Variants in CEP290 observed in about 807,000 individuals in gnomAD.
CEP290 encodes the protein centrosomal protein 290.
Under a neutral mutation model 344.9 loss-of-function variants are expected in CEP290, and 317 were observed. The ratio of observed to expected loss-of-function variants is 0.92; its 90% CI spans 0.84 to 1.01. CEP290 has a LOEUF of 1.01. Among genes scored for constraint, CEP290 ranks in the 50% least tolerant of loss-of-function variants. The probability of loss-of-function intolerance (pLI) is 0.00; values close to 1 mark genes in which losing one functional copy is unlikely to be tolerated. For synonymous variants in CEP290, 932 were observed against 895.8 expected (o/e 1.04, Z -0.72); for missense variants, 2,754 against 2,761.4 (o/e 1.00, Z 0.06).
At chr12:88,130,044 T>C (rs2039971080) in intron 9 of CEP290, among the ~76,000 whole-genome samples, 168 bp from the exon 10 acceptor site, 1 of 151,890 alleles carries the variant, frequency 6.6e-6, no homozygotes, top group African/African-American at 2.4e-5. Context: ...ATCAAGAAAA[T>C]AGTACATAAG....
intron 15 of CEP290, 102 bp downstream of exon 15, chr12:88,120,012 A>C: frequency 1.5e-6 from 1 of 654,862 alleles, no homozygotes; most frequent in Non-Finnish European, 2.3e-6. Flanking sequence ...ATTTGAAAAA[A>C]GCATTAAACT....
chr12:88,055,771 T>C lies in CEP290; in HGVS notation c.6819-54A>G. 3 of 1,224,536 alleles carry C rather than the reference T, an allele frequency of 2.4e-6. No homozygotes were observed. In the East Asian group the frequency reaches 8.0e-5, roughly 33 times the overall value. The allele number at this position is 1,224,536 out of a possible 1,614,324, so 75.9% of individuals were successfully genotyped here. On this transcript the variant is annotated intron_variant, in intron 49 of 53. Transcript: ENST00000552810. Reference sequence around the variant, plus strand: ...CATGGCAAATAATTTATGTCACTGATTTAAAAGTCAGTTCAAATAACTGTA... The same window carrying C: ...CATGGCAAATAATTTATGTCACTGACTTAAAAGTCAGTTCAAATAACTGTA...
chr12:88,105,894 C>A (rs1019814208), intron 25 of CEP290, among the ~76,000 whole-genome samples: 1 of 151,958 alleles, frequency 6.6e-6, no homozygotes, highest in Non-Finnish European at 1.5e-5. Flanking sequence ...CAAGCATGTG[C>A]CACTACACCA....
At chr12:88,061,146 G>A (rs1266230106) in intron 46 of CEP290, among the ~76,000 whole-genome samples, 152 bp from the exon 47 acceptor site, 1 of 152,100 alleles carries the variant, frequency 6.6e-6, no homozygotes, top group Non-Finnish European at 1.5e-5. Flanking sequence ...AATTCTATGA[G>A]ATAGGAATTA....
intron 52 of CEP290, chr12:88,051,889 T>C (rs544359774): frequency 6.6e-6 from 1 of 152,306 alleles, no homozygotes; most frequent in Admixed American, 6.5e-5. Context: ...TAATATGTAC[T>C]TTTAGTTACC....
chr12:88,066,093 T>G (rs1371683644), intron 44 of CEP290, among the ~76,000 whole-genome samples: 2 of 151,766 alleles, frequency 1.3e-5, no homozygotes, highest in African/African-American at 4.8e-5. Context: ...CTTTCAGCCA[T>G]TTTCTCTTAA....
At chr12:88,061,775 T>C (rs796331097) in intron 46 of CEP290, among the ~76,000 whole-genome samples, 4 of 151,930 alleles carry the variant, frequency 2.6e-5, no homozygotes, top group African/African-American at 9.6e-5. Context: ...TGAATATTTT[T>C]CCTTTTTTTT....
intron 11 of CEP290, among the ~76,000 whole-genome samples, chr12:88,127,617 G>C (rs550862737): frequency 2.1e-4 from 32 of 152,058 alleles, no homozygotes; most frequent in Admixed American, 1.3e-3. Context: ...ATTTAACTAA[G>C]CATAAAAAGA....
At chr12:88,116,762 CAGA>C (rs2039063950) in intron 18 of CEP290, among the ~76,000 whole-genome samples, 1 of 151,966 alleles carries the variant, frequency 6.6e-6, no homozygotes, top group African/African-American at 2.4e-5. Flanking sequence ...ATCACGAGGT[CAGA>C]AGATCGAGAC....
Position 88,064,213 on chromosome 12 carries a change from T to C in CEP290, c.6136-98A>G, listed in dbSNP as rs1295278694. On this transcript the variant is annotated intron_variant, in intron 44 of 53. Transcript: ENST00000552810. ...AAAATACTGTCAAAAGGTAACTTTTTTTCCTCAAAGGAATATGAGAAAATC... is the reference window on the plus strand; with the variant it reads ...AAAATACTGTCAAAAGGTAACTTTTCTTCCTCAAAGGAATATGAGAAAATC... The C allele has an allele frequency of 8.5e-6, 9 of 1,054,904 alleles. No individual in the cohort carries two copies. The East Asian group carries it at 2.2e-4, about 26-fold the overall frequency. The allele number at this position is 1,054,904 out of a possible 1,614,324, so 65.3% of individuals were successfully genotyped here. A position where few individuals can be genotyped will look rare whatever the true frequency, so the allele number is the denominator to read the frequency against.
In CEP290 at chr12:88,111,695, T is replaced by A. The variant is rs1378036383; in HGVS notation, c.2216A>T (p.Lys739Met). 2.5e-6 allele frequency: 4 copies of A among 1,575,244 alleles called. No individual in the cohort carries two copies. Among genetic ancestry groups the A allele is most frequent in the Non-Finnish European group, 3.4e-6 (4 of 1,166,480 alleles). Residue 739 changes from lysine (K) to methionine (M), a missense_variant and splice_region_variant, in exon 21 of 54, where the codon AAG becomes ATG. Transcript: ENST00000552810. ...TCTTTTATTTAATAAAATTCTCACC[T>A]TTAAATTAGCTTTTGCCAACTGCTG... ...YSQQLAKANL[K>M]IDHLEKETSL...
rs768090988 is a variant in CEP290, at chr12:88,121,076, GCTGTT to G, written c.1275_1279del (p.Arg425SerfsTer2). ...CCTAGCATCAGCCTCAGCCAGTTCA[GCTGTT>G]CTCTCAGCCTCTTTAGTTTTCTCTT... is the stretch of plus-strand genomic sequence containing the variant. On this transcript the variant is annotated frameshift_variant, in exon 14 of 54. Transcript: ENST00000552810. LOFTEE classifies it high-confidence loss of function. The G allele has an allele frequency of 6.2e-7, 1 of 1,613,426 alleles. No individual in the cohort carries two copies. Among genetic ancestry groups the G allele is most frequent in the South Asian group, 1.1e-5 (1 of 91,048 alleles).
At chr12:88,094,029 C>G in intron 27 of CEP290, 54 bp from the exon 28 acceptor site, 2 of 1,337,418 alleles carry the variant, frequency 1.5e-6, no homozygotes, top group Non-Finnish European at 2.0e-6. Flanking sequence ...AAAATTACCT[C>G]AGATATTTTA....
In CEP290 at chr12:88,093,911, TGAAATG is replaced by T. The variant is rs760503950; in HGVS notation, c.3162_3167del (p.Ile1055_Ser1056del). 52 of 1,612,850 alleles carry T rather than the reference TGAAATG, an allele frequency of 3.2e-5. 1 individual carries two copies. Among genetic ancestry groups the T allele is most frequent in the Admixed American group, 1.3e-4 (8 of 59,962 alleles). ...TCATTTCCAGCATAGTTATTTTTTT[TGAAATG>T]GAAACAATGTCACTGTTGGTTATTG... On this transcript the variant is annotated inframe_deletion, in exon 28 of 54. Transcript: ENST00000552810.
chr12:88,053,145 A>G (rs1017708341), intron 52 of CEP290, among the ~76,000 whole-genome samples: 5 of 152,156 alleles, frequency 3.3e-5, no homozygotes, highest in African/African-American at 1.2e-4. Flanking sequence ...ACATGTATGC[A>G]TATGTGTGAT....
At chr12:88,086,344 A>C (rs765323651) in intron 33 of CEP290, 47 bp downstream of exon 33, 12 of 1,478,760 alleles carry the variant, frequency 8.1e-6, no homozygotes, top group Non-Finnish European at 8.2e-6. Flanking sequence ...GTGAGTTAAC[A>C]CTCTAGACTA....
chr12:88,129,466 A>G (rs1003311606), intron 10 of CEP290, among the ~76,000 whole-genome samples: 27 of 152,056 alleles, frequency 1.8e-4, no homozygotes, highest in African/African-American at 6.5e-4. Flanking sequence ...ACTGCTATCT[A>G]CACATTCATT....
At chr12:88,072,403 G>C (rs1244776474) in intron 41 of CEP290, among the ~76,000 whole-genome samples, 1 of 152,028 alleles carries the variant, frequency 6.6e-6, no homozygotes, top group Non-Finnish European at 1.5e-5. Context: ...TCAGATTTTT[G>C]GATTAGATGT....
At chr12:88,053,265 A>G (rs151189476) in intron 52 of CEP290, among the ~76,000 whole-genome samples, 6 of 152,282 alleles carry the variant, frequency 3.9e-5, no homozygotes, top group Admixed American at 3.9e-4. Context: ...TTTACTTTGT[A>G]AACGGAAAAA....
Sources: gnomAD v4.1 joint callset for allele counts (sites outside exome capture counted in the v4.1 genomes callset) on GRCh38, gnomAD v4.1.1 for gene constraint, MANE v1.5 for transcripts, NCBI Gene and HGNC (gene_info 2026-07-23, HGNC 2026-07-21) for gene names.